The following DLG2 variants were observed in gnomAD, a reference collection of about 807,000 sequenced individuals.
The protein encoded by DLG2 is discs large MAGUK scaffold protein 2.
A neutral mutation model predicts 132.5 loss-of-function variants in DLG2; 45 were observed. The ratio of observed to expected loss-of-function variants is 0.34; its 90% confidence interval spans 0.27 to 0.44. DLG2 has a LOEUF of 0.44. Ranked by LOEUF, DLG2 falls within the 20% of genes least tolerant of loss-of-function variation. The pLI is 1.00. For synonymous variants in DLG2, 424 were observed against 419.6 expected, an observed-to-expected ratio of 1.01 and a Z score of -0.13; for missense variants, 1,045 against 1,196.9, an observed-to-expected ratio of 0.87 and a Z score of 1.87.
At chr11:85,466,130 T>G (rs2092780133) in intron 3 of DLG2, among the ~76,000 whole-genome samples, 1 of 152,228 alleles carries the variant, frequency 6.6e-6, no homozygotes, top group Non-Finnish European at 1.5e-5. Context: ...GTTAATATCC[T>G]TTGCCCACTT....
chr11:85,027,823 G>A (rs543210578), intron 6 of DLG2, among the ~76,000 whole-genome samples: 1 of 152,346 alleles, frequency 6.6e-6, no homozygotes, highest in African/African-American at 2.4e-5. Context: ...CTGGCTTGGG[G>A]AGCCCCTAGG....
At chr11:85,606,223 A>G (rs2153251582) in intron 2 of DLG2, among the ~76,000 whole-genome samples, 1 of 152,358 alleles carries the variant, frequency 6.6e-6, no homozygotes, top group East Asian at 1.9e-4. Flanking sequence ...TTTTAAATAT[A>G]TACAAAATTG....
intron 19 of DLG2, among the ~76,000 whole-genome samples, chr11:83,607,699 C>A (rs1590834703): frequency 6.6e-6 from 1 of 152,158 alleles, no homozygotes; most frequent in Admixed American, 6.5e-5. Flanking sequence ...GAGCCACAAA[C>A]TGGAAATAAT....
chr11:85,225,976 C>A (rs1263406761), intron 4 of DLG2, among the ~76,000 whole-genome samples: 1 of 152,068 alleles, frequency 6.6e-6, no homozygotes, highest in Non-Finnish European at 1.5e-5. Flanking sequence ...ATGCCATCAC[C>A]AACCAGACAC....
At chr11:83,896,695 G>A (rs1357058234) in intron 15 of DLG2, among the ~76,000 whole-genome samples, 1 of 152,142 alleles carries the variant, frequency 6.6e-6, no homozygotes, top group East Asian at 1.9e-4. Context: ...GGGTGGGAAA[G>A]GAGATTAATT....
intron 5 of DLG2, among the ~76,000 whole-genome samples, chr11:85,125,549 A>C (rs779514993): frequency 1.7e-4 from 26 of 152,194 alleles, no homozygotes; most frequent in Non-Finnish European, 3.5e-4. Context: ...TAGGTTGAGA[A>C]GGAATGAAAT....
At chr11:83,724,470 T>TGAGAGA (rs1321049124) in intron 18 of DLG2, among the ~76,000 whole-genome samples, 1 of 99,484 alleles carries the variant, frequency 1.0e-5, no homozygotes, top group Non-Finnish European at 2.1e-5. Context: ...TGTGTGTGTG[T>TGAGAGA]GTGTGTGAGA....
At chr11:83,925,698 G>A (rs1329520933) in intron 15 of DLG2, among the ~76,000 whole-genome samples, 1 of 151,896 alleles carries the variant, frequency 6.6e-6, no homozygotes, top group Non-Finnish European at 1.5e-5. Context: ...ATTTTAATTA[G>A]CCTTCATCTG....
At chr11:85,513,049 G>T (rs1200026043) in intron 3 of DLG2, among the ~76,000 whole-genome samples, 1 of 152,036 alleles carries the variant, frequency 6.6e-6, no homozygotes, top group African/African-American at 2.4e-5. Context: ...CACCAACGTG[G>T]ATGCAGCTGG....
At chr11:85,538,996 A>G (rs1046303887) in intron 3 of DLG2, among the ~76,000 whole-genome samples, 3 of 151,814 alleles carry the variant, frequency 2.0e-5, no homozygotes, top group African/African-American at 7.3e-5. Context: ...AGAACTCAAA[A>G]TTAAATTACA....
intron 18 of DLG2, among the ~76,000 whole-genome samples, chr11:83,646,358 A>AGAGT (rs59007098): frequency 0.32 from 39,883 of 124,188 alleles, 5,600 homozygotes; most frequent in African/African-American, 0.42. Flanking sequence ...GATATGAAAC[A>AGAGT]GAGAGAGAGA....
intron 11 of DLG2, among the ~76,000 whole-genome samples, chr11:83,992,317 T>G (rs376807076): frequency 6.6e-6 from 1 of 152,002 alleles, no homozygotes; most frequent in Non-Finnish European, 1.5e-5. Flanking sequence ...GAAAATGCAG[T>G]GTGGTAAGTG....
intron 7 of DLG2, among the ~76,000 whole-genome samples, chr11:84,287,895 T>A (rs1033524544): frequency 6.6e-6 from 1 of 151,902 alleles, no homozygotes; most frequent in African/African-American, 2.4e-5. Context: ...ATAGGTGAAC[T>A]TGGATTACTA....
rs539572852 is a variant in DLG2 at position 83,729,966 on chromosome 11, G to A, written c.1825+56724C>T. 6.2e-4 allele frequency among the ~76,000 whole-genome samples: 94 copies of A among 151,946 alleles called. 1 individual carries two copies. The South Asian group carries it at 0.018, about 29-fold the overall frequency. On this transcript the variant is annotated intron_variant, in intron 18 of 27. Transcript: ENST00000376104. ...GTCACTTGTATCAGAAAAGTAAACC[G>A]CTTTATAGAACCAAAAATAAAACAA...
At chr11:85,271,441 C>A (rs956260042) in intron 4 of DLG2, among the ~76,000 whole-genome samples, 5 of 152,224 alleles carry the variant, frequency 3.3e-5, no homozygotes, top group Non-Finnish European at 7.3e-5. Context: ...ACAGAGTCCC[C>A]ACTGGGGTGC....
At chr11:84,614,654 C>A (rs2099600949) in intron 6 of DLG2, among the ~76,000 whole-genome samples, 1 of 152,238 alleles carries the variant, frequency 6.6e-6, no homozygotes, top group African/African-American at 2.4e-5. Context: ...AATATATATA[C>A]ATTTTTTACC....
rs191979640 is a variant in DLG2, at chr11:83,662,591, G to A, written c.1826-29266C>T. On this transcript the variant is annotated intron_variant, in intron 18 of 27. Coordinates refer to ENST00000376104, the MANE Select transcript of DLG2 (RefSeq NM_001142699.3). ...TCCAACAATTAAATGTGATCCACAT[G>A]AGAATATTTGTCTCTTCTATTTATC... Among the ~76,000 whole-genome samples the A allele has an allele frequency of 1.0e-3, 152 of 152,232 alleles. 1 individual carries two copies. Among genetic ancestry groups the A allele is most frequent in the African/African-American group, 3.5e-3 (145 of 41,546 alleles).
chr11:84,661,972 C>T (rs913267576), intron 6 of DLG2, among the ~76,000 whole-genome samples: 1 of 151,928 alleles, frequency 6.6e-6, no homozygotes, highest in Non-Finnish European at 1.5e-5. Flanking sequence ...TGCATCTGCC[C>T]CTCCCCCATG....
chr11:84,644,171 G>A (rs1341300824), intron 6 of DLG2, among the ~76,000 whole-genome samples: 1 of 152,098 alleles, frequency 6.6e-6, no homozygotes, highest in Non-Finnish European at 1.5e-5. Flanking sequence ...GGGCTGAGAT[G>A]GGTCTTTTCA....
Sources: gnomAD v4.1 joint callset for allele counts (sites outside exome capture counted in the v4.1 genomes callset) on GRCh38, gnomAD v4.1.1 for gene constraint, MANE v1.5 for transcripts, NCBI Gene and HGNC (gene_info 2026-07-23, HGNC 2026-07-21) for gene names.